Variants in SLC35F1 observed in about 807,000 individuals in gnomAD.
SLC35F1 encodes the protein solute carrier family 35 member F1, also known as chromosome 6 open reading frame 169.
Under a neutral mutation model 48.7 loss-of-function variants are expected in SLC35F1, and 14 were observed. That is an observed-to-expected ratio of 0.29 (90% CI 0.19 to 0.45). The LOEUF (loss-of-function observed/expected upper bound fraction) is 0.45. Among genes scored for constraint, SLC35F1 ranks in the 20% least tolerant of loss-of-function variants. SLC35F1 has a pLI of 1.00. For missense variants in SLC35F1, 404 were observed against 500.0 expected, an observed-to-expected ratio of 0.81 and a Z score of 1.83; for synonymous variants, 190 against 202.2, an observed-to-expected ratio of 0.94 and a Z score of 0.51.
intron 1 of SLC35F1, among the ~76,000 whole-genome samples, chr6:117,962,815 C>G (rs1776516078): frequency 6.6e-6 from 1 of 152,232 alleles, no homozygotes; most frequent in South Asian, 2.1e-4. Flanking sequence ...GCTAGGCACT[C>G]TTTAATTGTA....
chr6:118,086,313 T>C (rs1275787684), intron 1 of SLC35F1, among the ~76,000 whole-genome samples: 2 of 152,226 alleles, frequency 1.3e-5, no homozygotes, highest in South Asian at 2.1e-4. Flanking sequence ...TTCTGTATTG[T>C]CTACCTCTTC....
intron 1 of SLC35F1, among the ~76,000 whole-genome samples, chr6:117,949,721 A>G (rs771865543): frequency 1.4e-4 from 22 of 152,308 alleles, no homozygotes; most frequent in Non-Finnish European, 2.5e-4. Context: ...TTTTTGGTTC[A>G]TAACCTATCA....
intron 2 of SLC35F1, among the ~76,000 whole-genome samples, chr6:118,155,816 A>G (rs1277257329): frequency 2.0e-5 from 3 of 152,238 alleles, no homozygotes; most frequent in Non-Finnish European, 2.9e-5. Flanking sequence ...ATAAGGACAC[A>G]TGTATAGCTG....
intron 1 of SLC35F1, among the ~76,000 whole-genome samples, chr6:118,114,885 G>A (rs1773456358): frequency 6.6e-6 from 1 of 152,164 alleles, no homozygotes; most frequent in Non-Finnish European, 1.5e-5. Context: ...GTAACTTGAA[G>A]TTCATTTCTA....
intron 1 of SLC35F1, among the ~76,000 whole-genome samples, chr6:118,149,967 GAC>G (rs1165964026): frequency 3.3e-5 from 5 of 152,168 alleles, no homozygotes; most frequent in Admixed American, 2.6e-4. Context: ...ACTCAATCAG[GAC>G]ACACAGTATA....
intron 1 of SLC35F1, among the ~76,000 whole-genome samples, chr6:118,152,495 T>C (rs1737086664): frequency 6.6e-6 from 1 of 152,216 alleles, no homozygotes; most frequent in Non-Finnish European, 1.5e-5. Context: ...CTCTGCTCCA[T>C]GGTGGCATAT....
intron 1 of SLC35F1, among the ~76,000 whole-genome samples, chr6:117,916,884 A>AAC (rs1775832956): frequency 1.3e-5 from 2 of 152,232 alleles, no homozygotes; most frequent in Non-Finnish European, 2.9e-5. Flanking sequence ...ACAAAGAATT[A>AAC]CTGAGTCAGG....
intron 1 of SLC35F1, among the ~76,000 whole-genome samples, chr6:118,012,229 T>C (rs1582618280): frequency 1.3e-5 from 2 of 152,178 alleles, no homozygotes; most frequent in South Asian, 4.2e-4. Context: ...TTGTGATACT[T>C]TTTACCTTGT....
Position 118,314,106 on chromosome 6 carries a change from G to C in SLC35F1, c.1081G>C (p.Ala361Pro). 1.2e-6 allele frequency: 2 copies of C among 1,614,048 alleles called. No individual in the cohort carries two copies. The highest frequency in any genetic ancestry group is 1.7e-6 in the Non-Finnish European group (2 of 1,180,026). ...VLYSSTSTYI[A>P]QDPRVYKQFR... ...CTACTCCTCCACCTCCACCTACATA[G>C]CCCAGGACCCCCGAGTGTATAAGCA... The change falls in exon 8 of 8, where the codon GCC (alanine) becomes CCC (proline). Residue 361 changes from alanine to proline, a missense_variant. Around this residue, in one of 2 missense-constraint regions of SLC35F1, gnomAD observed 306 missense variants for 419.1 expected, o/e 0.73. Coordinates refer to ENST00000360388, the MANE Select transcript of SLC35F1 (RefSeq NM_001029858.4).
At chr6:118,246,051 C>A (rs905113733) in intron 3 of SLC35F1, among the ~76,000 whole-genome samples, 1 of 152,186 alleles carries the variant, frequency 6.6e-6, no homozygotes. Context: ...CCTTCCTCAT[C>A]TCCCATCCTC....
chr6:117,962,567 A>G (rs1776512427), intron 1 of SLC35F1, among the ~76,000 whole-genome samples: 1 of 152,096 alleles, frequency 6.6e-6, no homozygotes, highest in South Asian at 2.1e-4. Flanking sequence ...CAGAGAGCAG[A>G]TGCTGCTCTC....
At chr6:118,033,171 C>G (rs572552392) in intron 1 of SLC35F1, among the ~76,000 whole-genome samples, 1 of 152,110 alleles carries the variant, frequency 6.6e-6, no homozygotes, top group South Asian at 2.1e-4. Flanking sequence ...ATAAATGATT[C>G]CAAGCATTTT....
chr6:117,941,835 G>A lies in SLC35F1; in HGVS notation c.173+33936G>A, dbSNP rs1186563002. On this transcript the variant is annotated intron_variant, in intron 1 of 7. Transcript: ENST00000360388. The stretch of plus-strand genomic sequence containing the variant: ...TCCTGCTCCCCCAATCCCCGATGTG[G>A]GATTCCCCATCCACATATGGAAAAC... Among the ~76,000 whole-genome samples the A allele has an allele frequency of 2.0e-5, 3 of 152,108 alleles. No homozygotes were observed. The East Asian group carries it at 5.8e-4, about 29-fold the overall frequency.
rs556647753 is a variant in SLC35F1, at chr6:118,000,901, A to T, written c.173+93002A>T. On this transcript the variant is annotated intron_variant, in intron 1 of 7. Coordinates refer to ENST00000360388, the MANE Select transcript of SLC35F1 (RefSeq NM_001029858.4). ...GGAATCCAACTTACAGGGGACATGA[A>T]TGACCTCTTCAAGGAGAACTACAAA... 3.0e-4 allele frequency among the ~76,000 whole-genome samples: 45 copies of T among 152,326 alleles called. 2 individuals carry two copies. Among genetic ancestry groups the T allele is most frequent in the Admixed American group, 2.7e-3 (42 of 15,304 alleles).
At chr6:118,156,579 C>A (rs1402965897) in intron 2 of SLC35F1, among the ~76,000 whole-genome samples, 1 of 151,792 alleles carries the variant, frequency 6.6e-6, no homozygotes, top group Non-Finnish European at 1.5e-5. Flanking sequence ...ATGTAAATGA[C>A]GAGTTGATGG....
In SLC35F1 at chr6:118,157,667, G is replaced by A. The variant is rs796079221; in HGVS notation, c.349+3047G>A. 2.0e-5 allele frequency among the ~76,000 whole-genome samples: 3 copies of A among 152,144 alleles called. No homozygotes were observed. The South Asian group carries it at 6.2e-4, about 32-fold the overall frequency. Reference sequence around the variant, plus strand: ...CTGAAGAACTTGAAGTCCGATGTTTGAGGGCAGGGAGCATCCAGCATGGGA... The same window carrying A: ...CTGAAGAACTTGAAGTCCGATGTTTAAGGGCAGGGAGCATCCAGCATGGGA... On this transcript the variant is annotated intron_variant, in intron 2 of 7. Transcript: ENST00000360388.
chr6:118,089,353 T>G (rs977766511), intron 1 of SLC35F1, among the ~76,000 whole-genome samples: 8 of 152,306 alleles, frequency 5.3e-5, no homozygotes, highest in Admixed American at 5.2e-4. Flanking sequence ...AGGTTCATCC[T>G]TACGTATGCC....
intron 1 of SLC35F1, among the ~76,000 whole-genome samples, chr6:117,930,659 C>G (rs1776088516): frequency 1.3e-5 from 2 of 152,112 alleles, no homozygotes; most frequent in Admixed American, 1.3e-4. Context: ...AACTGCTGAT[C>G]ACAGACTGCC....
At chr6:117,908,031 G>C (rs972956284) in intron 1 of SLC35F1, 132 bp downstream of exon 1, 7 of 890,776 alleles carry the variant, frequency 7.9e-6, no homozygotes, top group Non-Finnish European at 1.0e-5. Context: ...TGAGGAGATC[G>C]GGCGACGACG....
Sources: gnomAD v4.1 joint callset for allele counts (sites outside exome capture counted in the v4.1 genomes callset) on GRCh38, gnomAD v4.1.1 for gene constraint, gnomAD v4.1.1 regional missense constraint, MANE v1.5 for transcripts, NCBI Gene and HGNC (gene_info 2026-07-23, HGNC 2026-07-21) for gene names.